ELAPOR1: variants seen among roughly 807,000 people sequenced by gnomAD.
ELAPOR1 encodes the protein endosome/lysosome-associated apoptosis and autophagy regulator 1.
A neutral mutation model predicts 119.7 loss-of-function variants in ELAPOR1; 77 were observed. That is an observed-to-expected ratio of 0.64 (90% confidence interval 0.54 to 0.78). The LOEUF (loss-of-function observed/expected upper bound fraction) is 0.78. Among genes scored for constraint, ELAPOR1 ranks in the 30% least tolerant of loss-of-function variants. The pLI is 0.00. For missense variants in ELAPOR1, 1,115 were observed against 1,270.4 expected (o/e 0.88, Z 1.86); for synonymous variants, 481 against 487.2 (o/e 0.99, Z 0.17).
chr1:109,170,601 T>A (rs1339765274), intron 3 of ELAPOR1, among the ~76,000 whole-genome samples: 1 of 152,056 alleles, frequency 6.6e-6, no homozygotes, highest in Non-Finnish European at 1.5e-5. Context: ...GCAGAGGAAT[T>A]GAAAGAAATG....
chr1:109,170,325 G>A (rs188277490), intron 3 of ELAPOR1, among the ~76,000 whole-genome samples: 5 of 152,218 alleles, frequency 3.3e-5, no homozygotes, highest in East Asian at 3.9e-4. Context: ...GTGATGGGTC[G>A]GGGAGTGTTC....
At chr1:109,149,138 G>C (rs991552526) in intron 1 of ELAPOR1, among the ~76,000 whole-genome samples, 1 of 152,154 alleles carries the variant, frequency 6.6e-6, no homozygotes, top group Non-Finnish European at 1.5e-5. Flanking sequence ...TTAGAGAAGA[G>C]GGCGCGTCGG....
At chr1:109,140,098 C>CATTT (rs370169097) in intron 1 of ELAPOR1, among the ~76,000 whole-genome samples, 52 of 151,750 alleles carry the variant, frequency 3.4e-4, no homozygotes, top group Non-Finnish European at 4.9e-4. Flanking sequence ...TAGTATATAT[C>CATTT]ATTTATTTAT....
In ELAPOR1 at chr1:109,172,374, T is replaced by C. The variant is rs1000436891; in HGVS notation, c.616-114T>C. 39 of 739,150 alleles carry C rather than the reference T, an allele frequency of 5.3e-5. No individual in the cohort carries two copies. The African/African-American group carries it at 6.8e-4, about 13-fold the overall frequency. 45.8% of individuals were successfully genotyped at this position (739,150 alleles called of 1,614,324 possible). A position where few individuals can be genotyped will look rare whatever the true frequency, so the allele number is the denominator to read the frequency against. ...TTTTGAGCTCAATCCCTAAAGGAAA[T>C]TGGCAACTCTTCCCATATAAAGAAG... On this transcript the variant is annotated intron_variant, in intron 4 of 21. Coordinates refer to ENST00000369939, the MANE Select transcript of ELAPOR1 (RefSeq NM_020775.5).
chr1:109,117,688 C>A (rs1648104793), intron 1 of ELAPOR1, among the ~76,000 whole-genome samples: 3 of 152,098 alleles, frequency 2.0e-5, no homozygotes, highest in African/African-American at 7.2e-5. Context: ...CTAGTACATA[C>A]CCTTGATATA....
At chr1:109,196,920 A>G (rs1317732830) in intron 15 of ELAPOR1, among the ~76,000 whole-genome samples, 1 of 152,186 alleles carries the variant, frequency 6.6e-6, no homozygotes, top group African/African-American at 2.4e-5. Context: ...TGACCTCATG[A>G]TCCACCTGCC....
chr1:109,171,385 TA>T (rs946026840), intron 3 of ELAPOR1, among the ~76,000 whole-genome samples: 6 of 150,500 alleles, frequency 4.0e-5, no homozygotes, highest in Admixed American at 1.3e-4. Flanking sequence ...CTGTCTCTAC[TA>T]AAAAAAAATA....
intron 7 of ELAPOR1, among the ~76,000 whole-genome samples, chr1:109,180,096 C>G (rs944637092): frequency 6.6e-6 from 1 of 152,142 alleles, no homozygotes; most frequent in Non-Finnish European, 1.5e-5. Context: ...GGAGAACTCA[C>G]AGGAGCATTG....
intron 1 of ELAPOR1, among the ~76,000 whole-genome samples, chr1:109,150,404 C>T (rs145946241): frequency 7.8e-4 from 119 of 152,270 alleles, no homozygotes; most frequent in African/African-American, 2.7e-3. Flanking sequence ...TGTTGCTAGG[C>T]GACGGTCCAG....
chr1:109,142,666 G>T (rs1649902458), intron 1 of ELAPOR1, among the ~76,000 whole-genome samples: 1 of 152,244 alleles, frequency 6.6e-6, no homozygotes, highest in African/African-American at 2.4e-5. Flanking sequence ...TGTGGTTGAG[G>T]ATGTGGAGAA....
At chr1:109,134,726 C>G (rs1322448954) in intron 1 of ELAPOR1, among the ~76,000 whole-genome samples, 1 of 152,086 alleles carries the variant, frequency 6.6e-6, no homozygotes, top group Non-Finnish European at 1.5e-5. Context: ...TTGAAGCCCT[C>G]TGGAGGCTTT....
chr1:109,159,973 C>A (rs1398097520), intron 1 of ELAPOR1, among the ~76,000 whole-genome samples: 1 of 152,120 alleles, frequency 6.6e-6, no homozygotes, highest in East Asian at 1.9e-4. Flanking sequence ...GGATTGACAT[C>A]ATATATGTAT....
chr1:109,114,384 G>A (rs2100941840), intron 1 of ELAPOR1, 48 bp downstream of exon 1: 1 of 1,509,254 alleles, frequency 6.6e-7, no homozygotes, highest in East Asian at 2.5e-5. Flanking sequence ...AAAAGTCTTG[G>A]ATCCAGGCGG....
intron 3 of ELAPOR1, among the ~76,000 whole-genome samples, chr1:109,168,228 G>A (rs974082896): frequency 3.3e-5 from 5 of 151,908 alleles, no homozygotes; most frequent in African/African-American, 1.2e-4. Flanking sequence ...AACCATCCCC[G>A]ACCCCACAGA....
intron 18 of ELAPOR1, among the ~76,000 whole-genome samples, chr1:109,199,603 C>G (rs1484390272): frequency 1.3e-5 from 2 of 152,222 alleles, no homozygotes; most frequent in Admixed American, 1.3e-4. Flanking sequence ...CTTACAATAG[C>G]TCTCATAAGA....
intron 15 of ELAPOR1, among the ~76,000 whole-genome samples, chr1:109,195,137 A>C: frequency 2.0e-5 from 3 of 152,032 alleles, no homozygotes; most frequent in Admixed American, 2.0e-4. Flanking sequence ...TCAATAAAAT[A>C]AAATAAAATA....
chr1:109,134,043 G>A (rs571483136), intron 1 of ELAPOR1, among the ~76,000 whole-genome samples: 2 of 152,196 alleles, frequency 1.3e-5, no homozygotes, highest in Admixed American at 1.3e-4. Context: ...ATGGGTGGGC[G>A]GAAGTGGGAG....
chr1:109,114,236 C>T lies in ELAPOR1; in HGVS notation c.53C>T (p.Thr18Ile). 6.2e-7 allele frequency: 1 copy of T among 1,604,972 alleles called. No homozygotes were observed. The change falls in exon 1 of 22, where the codon ACT (threonine) becomes ATT (isoleucine). Residue 18 changes from threonine to isoleucine, a missense_variant. By Grantham distance (89) the Thr-to-Ile change is moderately conservative. Coordinates refer to ENST00000369939, the MANE Select transcript of ELAPOR1 (RefSeq NM_020775.5). ...CTCTCCGCCAGAGTCAGGGGAAGAA[C>T]TGAGAGGCGCATACCCCGGCTGTGG... The part of the protein sequence containing the change: ...HHLSARVRGR[T>I]ERRIPRLWRL...
intron 1 of ELAPOR1, among the ~76,000 whole-genome samples, chr1:109,128,809 G>A (rs552166068): frequency 1.3e-5 from 2 of 152,310 alleles, no homozygotes; most frequent in African/African-American, 4.8e-5. Context: ...GAGCCCAAGT[G>A]GATCTAAACA....
Sources: gnomAD v4.1 joint callset for allele counts (sites outside exome capture counted in the v4.1 genomes callset) on GRCh38, gnomAD v4.1.1 for gene constraint, MANE v1.5 for transcripts, NCBI Gene and HGNC (gene_info 2026-07-23, HGNC 2026-07-21) for gene names.